SUPT4H1: variants seen among roughly 807,000 people sequenced by gnomAD.
SUPT4H1 encodes the protein transcription elongation factor SPT4.
SUPT4H1 carries 12 observed loss-of-function variants against 19.4 expected under a neutral mutation model. The ratio of observed to expected loss-of-function variants is 0.62; its 90% confidence interval spans 0.40 to 1.00. The LOEUF is 1.00. SUPT4H1 is among the 50% of genes least tolerant of loss of function. The pLI is 0.00. For synonymous variants in SUPT4H1, 58 were observed against 56.3 expected, an observed-to-expected ratio of 1.03 and a Z score of -0.14; for missense variants, 115 against 149.2, an observed-to-expected ratio of 0.77 and a Z score of 1.19.
rs1972274857 is a variant in SUPT4H1 at position 58,345,958 on chromosome 17, C to T, written c.*288G>A. ...GAGGTTCATATTTATTGACATTTGACCTAGAGTCCTTGGCATGGGGAAGGC... is the reference window on the plus strand; with the variant it reads ...GAGGTTCATATTTATTGACATTTGATCTAGAGTCCTTGGCATGGGGAAGGC... On this transcript the variant is annotated 3_prime_UTR_variant, in exon 5 of 5. Coordinates refer to ENST00000225504, the MANE Select transcript of SUPT4H1 (RefSeq NM_003168.3). The T allele has an allele frequency of 8.7e-6, 3 of 344,596 alleles. No individual in the cohort carries two copies. The highest frequency in any genetic ancestry group is 3.4e-5 in the South Asian group (1 of 29,268). 21.3% of individuals were successfully genotyped at this position (344,596 alleles called of 1,614,324 possible).
chr17:58,346,199 C>G lies in SUPT4H1; in HGVS notation c.*47G>C, dbSNP rs754147622. 4.7e-6 allele frequency: 7 copies of G among 1,476,904 alleles called. No homozygotes were observed. The South Asian group carries it at 7.9e-5, about 17-fold the overall frequency. The allele number at this position is 1,476,904 out of a possible 1,614,324, so 91.5% of individuals were successfully genotyped here. A position where few individuals can be genotyped will look rare whatever the true frequency, so the allele number is the denominator to read the frequency against. ...ATTTAGTTCCAGAACAAGAAATAAG[C>G]AGAGGCAGGAGGTGGAGAGCAAAGA... On this transcript the variant is annotated 3_prime_UTR_variant, in exon 5 of 5. Coordinates refer to ENST00000225504, the MANE Select transcript of SUPT4H1 (RefSeq NM_003168.3).
intron 2 of SUPT4H1, among the ~76,000 whole-genome samples, chr17:58,347,907 T>C (rs942160527): frequency 6.6e-6 from 1 of 152,122 alleles, no homozygotes; most frequent in Non-Finnish European, 1.5e-5. Context: ...CTAACACAAC[T>C]ACAAGGGGTC....
In SUPT4H1 at chr17:58,351,992, C is replaced by G. The variant is rs1019516809; in HGVS notation, c.69+75G>C. ...GAGACTTAACTTTTCTCTTTACTGT[C>G]CCACAGCCCCATTCCGCCCTCTTTC... On this transcript the variant is annotated intron_variant, in intron 1 of 4. Transcript: ENST00000225504. 3 of 1,507,390 alleles carry G rather than the reference C, an allele frequency of 2.0e-6. No homozygotes were observed. The South Asian group carries it at 3.4e-5, about 17-fold the overall frequency. The allele number at this position is 1,507,390 out of a possible 1,614,324, so 93.4% of individuals were successfully genotyped here. A position where few individuals can be genotyped will look rare whatever the true frequency, so the allele number is the denominator to read the frequency against.
At chr17:58,351,967 G>T in intron 1 of SUPT4H1, 100 bp downstream of exon 1, 1 of 1,309,438 alleles carries the variant, frequency 7.6e-7, no homozygotes, top group Non-Finnish European at 1.1e-6. Context: ...TCTGAGTTCT[G>T]AGACTTAACT....
Position 58,346,014 on chromosome 17 carries a change from C to G in SUPT4H1, c.*232G>C. 2.1e-6 allele frequency: 1 copy of G among 477,734 alleles called. No homozygotes were observed. Among genetic ancestry groups the G allele is most frequent in the South Asian group, 2.4e-5 (1 of 42,406 alleles). The allele number at this position is 477,734 out of a possible 1,614,324, so 29.6% of individuals were successfully genotyped here. A position where few individuals can be genotyped will look rare whatever the true frequency, so the allele number is the denominator to read the frequency against. ...CCTGGGCCACGGGTAGGAAAATCAG[C>G]ATCCTACTCTCTCCTCAATTCCATC... On this transcript the variant is annotated 3_prime_UTR_variant, in exon 5 of 5. Coordinates refer to ENST00000225504, the MANE Select transcript of SUPT4H1 (RefSeq NM_003168.3).
chr17:58,351,405 T>TCAAAGGAA lies in SUPT4H1; in HGVS notation c.165_172dup (p.Asp58ValfsTer9). On this transcript the variant is annotated frameshift_variant, in exon 2 of 5. Transcript: ENST00000225504. LOFTEE classifies it high-confidence loss of function. ...GATGGAAACTGAAGCGGCTTACCCA[T>TCAAAGGAA]CAAAGGAAGAGCTAGTGCAGTCATA... 6.2e-7 allele frequency: 1 copy of TCAAAGGAA among 1,610,006 alleles called. No individual in the cohort carries two copies. The highest frequency in any genetic ancestry group is 8.5e-7 in the Non-Finnish European group (1 of 1,177,038).
Position 58,351,491 on chromosome 17 carries a change from T to A in SUPT4H1, c.87A>T (p.Glu29Asp). ...CSLVKTIDQFEYDGCDNCDAY... is the reference protein window; with the variant it reads ...CSLVKTIDQFDYDGCDNCDAY... ...CATCACAATTGTCACAACCATCATA[T>A]TCAAACTGGTCTATAGTCTGGGAGT... is the stretch of plus-strand genomic sequence containing the variant. Residue 29 changes from glutamate (E) to aspartate (D), a missense_variant, in exon 2 of 5, where the codon GAA (glutamate) becomes GAT (aspartate). By Grantham distance (45) the Glu-to-Asp change is conservative. Transcript: ENST00000225504. The A allele has an allele frequency of 3.7e-6, 6 of 1,613,248 alleles. No individual in the cohort carries two copies. Among genetic ancestry groups the A allele is most frequent in the Non-Finnish European group, 5.1e-6 (6 of 1,179,226 alleles).
At chr17:58,346,344 G>GT (rs758747405) in intron 4 of SUPT4H1, 31 bp from the exon 5 acceptor site, 4 of 1,605,994 alleles carry the variant, frequency 2.5e-6, no homozygotes, top group Non-Finnish European at 3.4e-6. Context: ...GTTCTGTGAG[G>GT]TAAGATTCAG....
intron 4 of SUPT4H1, among the ~76,000 whole-genome samples, chr17:58,346,871 C>G (rs895086895): frequency 6.6e-6 from 1 of 152,062 alleles, no homozygotes; most frequent in East Asian, 1.9e-4. Flanking sequence ...CCCAGCTACT[C>G]AGGAGGCAGA....
At chr17:58,351,362 G>T in intron 2 of SUPT4H1, 40 bp downstream of exon 2, 2 of 1,421,406 alleles carry the variant, frequency 1.4e-6, no homozygotes, top group Non-Finnish European at 2.0e-6. Flanking sequence ...GTGCAGGTTG[G>T]GTAATGCAGA....
intron 2 of SUPT4H1, among the ~76,000 whole-genome samples, chr17:58,351,165 T>C (rs190919265): frequency 2.2e-3 from 318 of 143,254 alleles, no homozygotes; most frequent in African/African-American, 6.9e-3. Context: ...CTCTGGGAGG[T>C]TGAAGTCAGA....
chr17:58,347,833 A>T (rs1032241475), intron 2 of SUPT4H1, among the ~76,000 whole-genome samples: 2 of 152,156 alleles, frequency 1.3e-5, no homozygotes, highest in Non-Finnish European at 2.9e-5. Context: ...GCTCACAAAC[A>T]TCCTTAGCCT....
intron 2 of SUPT4H1, among the ~76,000 whole-genome samples, chr17:58,350,918 A>C (rs1305173458): frequency 1.3e-5 from 2 of 152,042 alleles, no homozygotes; most frequent in Non-Finnish European, 2.9e-5. Flanking sequence ...ATTTTCAAAA[A>C]AAATTTTCAT....
At position 58,346,391 on chromosome 17, in the gene SUPT4H1, G is replaced by A. The variant is rs533491320; in HGVS notation, c.287-78C>T. On this transcript the variant is annotated intron_variant, in intron 4 of 4. Coordinates refer to ENST00000225504, the MANE Select transcript of SUPT4H1 (RefSeq NM_003168.3). ...AGGCCACTCAGCTGCCACCTTGAGG[G>A]GGGTACTATAAGCAAACTGGAGTTC... is the stretch of plus-strand genomic sequence containing the variant. 6 of 1,220,744 alleles carry A rather than the reference G, an allele frequency of 4.9e-6. No individual in the cohort carries two copies. The Admixed American group carries it at 8.5e-5, about 17-fold the overall frequency. 75.6% of individuals were successfully genotyped at this position (1,220,744 alleles called of 1,614,324 possible). A position where few individuals can be genotyped will look rare whatever the true frequency, so the allele number is the denominator to read the frequency against.
Position 58,347,556 on chromosome 17 carries a change from T to C in SUPT4H1, c.205A>G (p.Ser69Gly). The change falls in exon 3 of 5, where the codon AGC becomes GGC. Residue 69 changes from serine to glycine, a missense_variant. Ser to Gly is a moderately conservative substitution (Grantham distance 56). Coordinates refer to ENST00000225504, the MANE Select transcript of SUPT4H1 (RefSeq NM_003168.3). The part of the protein sequence containing the change: ...GIIAMMSPED[S>G]WVSKWQRVSN... ...ACTCGCTGCCACTTGGAGACCCAGC[T>C]GTCCTCTGGACTCATCATCGCAATG... 1 of 1,614,200 alleles carries C rather than the reference T, an allele frequency of 6.2e-7. No individual in the cohort carries two copies. The highest frequency in any genetic ancestry group is 2.2e-5 in the East Asian group (1 of 44,880).
intron 2 of SUPT4H1, 55 bp downstream of exon 2, chr17:58,351,347 T>G: frequency 4.7e-6 from 6 of 1,271,442 alleles, no homozygotes; most frequent in Middle Eastern, 2.4e-4. Context: ...CATTTACTTC[T>G]CTGGGTGCAG....
intron 2 of SUPT4H1, among the ~76,000 whole-genome samples, chr17:58,347,882 G>T (rs1428963656): frequency 3.9e-5 from 6 of 152,196 alleles, no homozygotes; most frequent in African/African-American, 1.4e-4. Flanking sequence ...AGGACAAGGG[G>T]TCCAATAGTT....
At chr17:58,348,905 G>A (rs1359969899) in intron 2 of SUPT4H1, among the ~76,000 whole-genome samples, 2 of 152,088 alleles carry the variant, frequency 1.3e-5, no homozygotes, top group African/African-American at 4.8e-5. Context: ...AAACCAAACT[G>A]AAGTCAAAAA....
At chr17:58,351,372 A>C in intron 2 of SUPT4H1, 30 bp downstream of exon 2, 1 of 1,507,956 alleles carries the variant, frequency 6.6e-7, no homozygotes. Flanking sequence ...GGTAATGCAG[A>C]AGTGAATGAT....
Sources: gnomAD v4.1 joint callset for allele counts (sites outside exome capture counted in the v4.1 genomes callset) on GRCh38, gnomAD v4.1.1 for gene constraint, MANE v1.5 for transcripts, NCBI Gene and HGNC (gene_info 2026-07-23, HGNC 2026-07-21) for gene names.